Variants in ADAMTS17 observed in about 807,000 individuals in gnomAD.
ADAMTS17 encodes the protein A disintegrin and metalloproteinase with thrombospondin motifs 17.
In ADAMTS17, 113 loss-of-function variants were observed where a neutral mutation model predicts 141.5. That is an observed-to-expected ratio of 0.80 (90% confidence interval 0.69 to 0.93). The LOEUF is 0.93. Among genes scored for constraint, ADAMTS17 ranks in the 40% least tolerant of loss-of-function variants. ADAMTS17 has a pLI of 0.00. For synonymous variants in ADAMTS17, 768 were observed against 630.6 expected (o/e 1.22, Z -3.27); for missense variants, 1,659 against 1,517.9 (o/e 1.09, Z -1.54).
intron 3 of ADAMTS17, among the ~76,000 whole-genome samples, chr15:100,315,223 G>C (rs2045525785): frequency 6.6e-6 from 1 of 152,342 alleles, no homozygotes; most frequent in Admixed American, 6.5e-5. Flanking sequence ...CCACTGCAGG[G>C]ATAAGGAGTC....
intron 7 of ADAMTS17, among the ~76,000 whole-genome samples, chr15:100,209,602 T>TA (rs11316509): frequency 0.038 from 5,466 of 144,380 alleles, 195 homozygotes; most frequent in African/African-American, 0.094. Flanking sequence ...TACATTTTAT[T>TA]AAAAAAAAAA....
chr15:100,222,283 G>T (rs1453645238), intron 7 of ADAMTS17, among the ~76,000 whole-genome samples: 1 of 152,208 alleles, frequency 6.6e-6, no homozygotes, highest in African/African-American at 2.4e-5. Flanking sequence ...TCTGCCTTAA[G>T]TCCTGGCATC....
rs145742830 is a variant in ADAMTS17, at chr15:100,063,248, T to C, written c.2138-9194A>G. On this transcript the variant is annotated intron_variant, in intron 15 of 21. Transcript: ENST00000268070. ...TGGGTTTCCATTAGACTTAAGATTG[T>C]TGTTCTTTTTCCAGCTAAGAAGTCA... 5.2e-3 allele frequency among the ~76,000 whole-genome samples: 797 copies of C among 152,304 alleles called. 4 individuals are homozygous for C. The highest frequency in any genetic ancestry group is 6.9e-3 in the Non-Finnish European group (467 of 68,028).
intron 11 of ADAMTS17, among the ~76,000 whole-genome samples, 192 bp from the exon 12 acceptor site, chr15:100,132,344 G>A (rs1198160786): frequency 6.6e-6 from 1 of 152,230 alleles, no homozygotes; most frequent in African/African-American, 2.4e-5. Flanking sequence ...CACTCATATC[G>A]CTGTAGGGTT....
Position 100,262,333 on chromosome 15 carries a change from G to A in ADAMTS17, c.873+19C>T, listed in dbSNP as rs1189054218. The A allele has an allele frequency of 6.2e-7, 1 of 1,610,600 alleles. No individual in the cohort carries two copies. On this transcript the variant is annotated intron_variant, in intron 5 of 21. Transcript: ENST00000268070. ...AGCCACATTTTCTGCTTGCTTGAAA[G>A]GTGCCTGTGGGGACTTACGGGACGT...
At chr15:100,259,021 G>A (rs2043426235) in intron 6 of ADAMTS17, among the ~76,000 whole-genome samples, 2 of 146,194 alleles carry the variant, frequency 1.4e-5, no homozygotes, top group South Asian at 4.3e-4. Context: ...TGAAACAGCA[G>A]GAAAGAGAGA....
intron 3 of ADAMTS17, among the ~76,000 whole-genome samples, chr15:100,284,784 T>C (rs28588603): frequency 3.1e-3 from 477 of 152,326 alleles, no homozygotes; most frequent in African/African-American, 0.01. Context: ...CAGATGCCAA[T>C]ATTCACAGAT....
intron 18 of ADAMTS17, among the ~76,000 whole-genome samples, chr15:100,021,272 T>C (rs1215669717): frequency 6.6e-6 from 1 of 152,144 alleles, no homozygotes; most frequent in Non-Finnish European, 1.5e-5. Context: ...CACTGAAGCC[T>C]AGTGGCCACT....
At chr15:99,994,628 G>A (rs1482875165) in intron 19 of ADAMTS17, among the ~76,000 whole-genome samples, 2 of 152,206 alleles carry the variant, frequency 1.3e-5, no homozygotes, top group African/African-American at 4.8e-5. Context: ...GTGCAGTGGT[G>A]CAATATCGGC....
chr15:100,085,301 T>A (rs997846436), intron 15 of ADAMTS17, among the ~76,000 whole-genome samples: 1 of 151,044 alleles, frequency 6.6e-6, no homozygotes, highest in Non-Finnish European at 1.5e-5. Flanking sequence ...GAAAAAAGAA[T>A]ACAAAGAAAC....
chr15:100,261,189 G>A (rs986996209), intron 6 of ADAMTS17, among the ~76,000 whole-genome samples: 1 of 152,180 alleles, frequency 6.6e-6, no homozygotes, highest in Non-Finnish European at 1.5e-5. Flanking sequence ...TCCCATGACT[G>A]TTATATTTAT....
chr15:100,197,968 G>A (rs968910089), intron 8 of ADAMTS17, among the ~76,000 whole-genome samples: 3 of 152,158 alleles, frequency 2.0e-5, no homozygotes, highest in African/African-American at 7.2e-5. Flanking sequence ...AGTGGGAGTT[G>A]AACAATGAGA....
intron 10 of ADAMTS17, among the ~76,000 whole-genome samples, chr15:100,150,330 T>C (rs1260677670): frequency 1.3e-5 from 2 of 152,194 alleles, no homozygotes; most frequent in East Asian, 3.9e-4. Flanking sequence ...TTGGGGTCTA[T>C]CTTTGAATGA....
At chr15:100,092,935 T>C (rs1055139988) in intron 15 of ADAMTS17, among the ~76,000 whole-genome samples, 2 of 152,064 alleles carry the variant, frequency 1.3e-5, no homozygotes, top group Non-Finnish European at 2.9e-5. Context: ...AAAGATAATA[T>C]TGTTAAAATG....
At chr15:100,027,919 G>A (rs1417036170) in intron 18 of ADAMTS17, among the ~76,000 whole-genome samples, 2 of 152,080 alleles carry the variant, frequency 1.3e-5, no homozygotes, top group Admixed American at 6.5e-5. Context: ...GTTCTGAGAC[G>A]AGTCCTACCA....
chr15:100,088,164 C>T (rs1249540363), intron 15 of ADAMTS17, among the ~76,000 whole-genome samples: 2 of 152,126 alleles, frequency 1.3e-5, no homozygotes, highest in African/African-American at 2.4e-5. Flanking sequence ...AATCAATGTA[C>T]AAAAATCACA....
chr15:100,010,392 A>T (rs1227144014), intron 18 of ADAMTS17, among the ~76,000 whole-genome samples: 1 of 152,222 alleles, frequency 6.6e-6, no homozygotes, highest in Non-Finnish European at 1.5e-5. Flanking sequence ...AGGCATGCAC[A>T]TCCCTTCCTT....
intron 7 of ADAMTS17, among the ~76,000 whole-genome samples, chr15:100,202,233 C>T (rs576853495): frequency 3.9e-5 from 6 of 152,288 alleles, no homozygotes; most frequent in Admixed American, 1.3e-4. Flanking sequence ...AATTAGGTAA[C>T]GTGCAATGCT....
chr15:100,167,832 A>T (rs777235035), intron 8 of ADAMTS17, among the ~76,000 whole-genome samples: 1 of 152,222 alleles, frequency 6.6e-6, no homozygotes, highest in East Asian at 1.9e-4. Flanking sequence ...CAGAAAACCT[A>T]ATTTTTACTT....
Sources: gnomAD v4.1 joint callset for allele counts (sites outside exome capture counted in the v4.1 genomes callset) on GRCh38, gnomAD v4.1.1 for gene constraint, MANE v1.5 for transcripts, NCBI Gene and HGNC (gene_info 2026-07-23, HGNC 2026-07-21) for gene names.